The following LEF1 variants were observed in gnomAD, a reference collection of about 807,000 sequenced individuals.
The protein encoded by LEF1 is lymphoid enhancer-binding factor 1.
A neutral mutation model predicts 51.2 loss-of-function variants in LEF1; 14 were observed. That is an observed-to-expected ratio of 0.27 (90% confidence interval 0.18 to 0.43). LEF1 has a LOEUF of 0.43. LEF1 is among the 20% of genes least tolerant of loss of function. The pLI is 1.00. For missense variants in LEF1, 386 were observed against 512.0 expected, an observed-to-expected ratio of 0.75 and a Z score of 2.37; for synonymous variants, 185 against 183.2, an observed-to-expected ratio of 1.01 and a Z score of -0.08.
chr4:108,162,884 T>C (rs1745150059), intron 3 of LEF1, among the ~76,000 whole-genome samples: 2 of 152,106 alleles, frequency 1.3e-5, no homozygotes, highest in South Asian at 2.1e-4. Context: ...AAGAGAAATA[T>C]CATCAAATAA....
At chr4:108,062,963 T>C (rs1338463607) in intron 11 of LEF1, among the ~76,000 whole-genome samples, 1 of 152,058 alleles carries the variant, frequency 6.6e-6, no homozygotes, top group Non-Finnish European at 1.5e-5. Context: ...CTAGTGGTCA[T>C]GTGGAAATAA....
intron 3 of LEF1, among the ~76,000 whole-genome samples, chr4:108,107,474 A>C (rs1034415077): frequency 6.6e-6 from 1 of 150,730 alleles, no homozygotes; most frequent in Admixed American, 6.7e-5. Context: ...AATATTGTGC[A>C]TAATCCTTAC....
intron 3 of LEF1, among the ~76,000 whole-genome samples, chr4:108,093,473 T>C (rs951639122): frequency 6.6e-6 from 1 of 152,120 alleles, no homozygotes; most frequent in Non-Finnish European, 1.5e-5. Context: ...ATCAGGTAAG[T>C]CTTAGCTTCC....
intron 11 of LEF1, among the ~76,000 whole-genome samples, chr4:108,059,940 C>A (rs982647267): frequency 6.6e-6 from 1 of 152,178 alleles, no homozygotes; most frequent in Non-Finnish European, 1.5e-5. Flanking sequence ...CCACTTCAAC[C>A]TCCCAAAGTA....
At chr4:108,147,495 T>C (rs1370764515) in intron 3 of LEF1, among the ~76,000 whole-genome samples, 1 of 152,222 alleles carries the variant, frequency 6.6e-6, no homozygotes, top group Non-Finnish European at 1.5e-5. Flanking sequence ...AGGAAATATT[T>C]CTTTTTGAAA....
chr4:108,156,284 G>A (rs1744695124), intron 3 of LEF1, among the ~76,000 whole-genome samples: 1 of 152,162 alleles, frequency 6.6e-6, no homozygotes. Context: ...TCCCCCGGCT[G>A]ACTGTTTTCA....
Position 108,167,882 on chromosome 4 carries a change from C to A in LEF1, c.-115G>T, listed in dbSNP as rs1354553146. The A allele has an allele frequency of 5.8e-6, 5 of 855,538 alleles. No individual in the cohort carries two copies. The Admixed American group carries it at 1.2e-4, about 20-fold the overall frequency. 53.0% of individuals were successfully genotyped at this position (855,538 alleles called of 1,614,324 possible). On this transcript the variant is annotated 5_prime_UTR_variant, in exon 1 of 12. Transcript: ENST00000265165. This position sits in a 1 kb window ranked among gnomAD's most constrained non-coding sequence, Gnocchi z 5.7. ...AGGAGAGTTGGAAGGGTTCGTGCAG[C>A]AGGACAGCGGGCGGAAGCGGGGCGG...
At chr4:108,099,550 G>GCA (rs1263620618) in intron 3 of LEF1, among the ~76,000 whole-genome samples, 24 of 44,716 alleles carry the variant, frequency 5.4e-4, no homozygotes, top group African/African-American at 1.3e-3. Context: ...ATATGTGTGT[G>GCA]TGTGTATGTG....
At chr4:108,064,570 T>A (rs1047903223) in intron 9 of LEF1, among the ~76,000 whole-genome samples, 186 bp from the exon 10 acceptor site, 2 of 152,092 alleles carry the variant, frequency 1.3e-5, no homozygotes, top group Non-Finnish European at 2.9e-5. Context: ...AGTGACCTGG[T>A]GACCTTTGTC....
chr4:108,129,265 G>A (rs1445801093), intron 3 of LEF1, among the ~76,000 whole-genome samples: 1 of 152,148 alleles, frequency 6.6e-6, no homozygotes, highest in East Asian at 1.9e-4. Context: ...ATGTAGATTA[G>A]TCAACCAAAT....
At position 108,083,416 on chromosome 4, in the gene LEF1, A is replaced by C; in HGVS notation, c.578T>G (p.Ile193Ser). Residue 193 changes from isoleucine (I) to serine (S), a missense_variant, in exon 5 of 12, where the codon ATC becomes AGC. Around this residue, in one of 2 missense-constraint regions of LEF1, gnomAD observed 335 missense variants for 390.7 expected, o/e 0.86. Coordinates refer to ENST00000265165, the MANE Select transcript of LEF1 (RefSeq NM_016269.5). The stretch of plus-strand genomic sequence containing the variant: ...CGGAGACAAGGGATAAAAAGTAGGG[A>C]TATCAGGAGCTGGAGGATGTCTGGA... ...GMSRHPPAPD[I>S]PTFYPLSPGG... 1.9e-6 allele frequency: 3 copies of C among 1,613,654 alleles called. No individual in the cohort carries two copies. Among genetic ancestry groups the C allele is most frequent in the Non-Finnish European group, 2.5e-6 (3 of 1,179,658 alleles).
chr4:108,080,810 T>C (rs1260943371), intron 6 of LEF1, among the ~76,000 whole-genome samples: 2 of 152,178 alleles, frequency 1.3e-5, no homozygotes, highest in Non-Finnish European at 2.9e-5. Flanking sequence ...AAAGACATAT[T>C]CACAACCAGT....
chr4:108,140,531 G>C (rs553715204), intron 3 of LEF1, among the ~76,000 whole-genome samples: 1 of 152,280 alleles, frequency 6.6e-6, no homozygotes, highest in African/African-American at 2.4e-5. Flanking sequence ...TCACGCCTCT[G>C]ATGTCTAAGC....
chr4:108,097,962 G>A lies in LEF1; in HGVS notation c.415-8705C>T, dbSNP rs1044154005. Among the ~76,000 whole-genome samples the A allele has an allele frequency of 7.9e-5, 12 of 152,148 alleles. No homozygotes were observed. The East Asian group carries it at 9.6e-4, about 12-fold the overall frequency. On this transcript the variant is annotated intron_variant, in intron 3 of 11. Transcript: ENST00000265165. ...GTCTACCATCCAGAGAGCTCAGACC[G>A]GAGGCGACATGAGGCAACCCCAGGG... is the stretch of plus-strand genomic sequence containing the variant.
At chr4:108,061,296 T>C (rs1376902545) in intron 11 of LEF1, among the ~76,000 whole-genome samples, 1 of 152,092 alleles carries the variant, frequency 6.6e-6, no homozygotes, top group Non-Finnish European at 1.5e-5. Flanking sequence ...TAAGAAAATA[T>C]AAATAAGTGA....
chr4:108,143,252 T>C (rs1164470183), intron 3 of LEF1, among the ~76,000 whole-genome samples: 1 of 152,242 alleles, frequency 6.6e-6, no homozygotes, highest in Non-Finnish European at 1.5e-5. Context: ...GTTTGTTTCA[T>C]TTGGGGTTTG....
At chr4:108,082,753 T>C (rs551396858) in intron 5 of LEF1, among the ~76,000 whole-genome samples, 1 of 152,252 alleles carries the variant, frequency 6.6e-6, no homozygotes, top group African/African-American at 2.4e-5. Context: ...TTGAAAAGAT[T>C]TTGGAGGCAG....
chr4:108,155,247 A>G (rs972403282), intron 3 of LEF1, among the ~76,000 whole-genome samples: 2 of 152,178 alleles, frequency 1.3e-5, no homozygotes, highest in Non-Finnish European at 2.9e-5. Flanking sequence ...TTAGAAGGAT[A>G]TGAGACTTTC....
chr4:108,118,832 C>A (rs562245328), intron 3 of LEF1, among the ~76,000 whole-genome samples: 1 of 152,102 alleles, frequency 6.6e-6, no homozygotes, highest in Admixed American at 6.5e-5. Flanking sequence ...TAACACACAA[C>A]GTCCACCAGA....
Sources: allele counts gnomAD v4.1 joint callset (sites outside exome capture counted in the v4.1 genomes callset), GRCh38; gene constraint gnomAD v4.1.1; regional missense constraint gnomAD v4.1.1; non-coding constraint Gnocchi (gnomAD v3.1); transcripts MANE v1.5; gene names NCBI Gene and HGNC (gene_info 2026-07-23, HGNC 2026-07-21).